The following PLCG2 variants were observed in gnomAD, a reference collection of about 807,000 sequenced individuals.
PLCG2 encodes the protein 1-phosphatidylinositol 4,5-bisphosphate phosphodiesterase gamma-2.
A neutral mutation model predicts 175.6 loss-of-function variants in PLCG2; 69 were observed. That is an observed-to-expected ratio of 0.39 (90% CI 0.32 to 0.48). The LOEUF is 0.48. Ranked by LOEUF, PLCG2 falls within the 20% of genes least tolerant of loss-of-function variation. PLCG2 has a pLI of 0.91. For synonymous variants in PLCG2, 827 were observed against 624.0 expected, an observed-to-expected ratio of 1.33 and a Z score of -4.85; for missense variants, 1,798 against 1,650.9, an observed-to-expected ratio of 1.09 and a Z score of -1.54.
intron 30 of PLCG2, among the ~76,000 whole-genome samples, chr16:81,944,790 A>G (rs1337803054): frequency 6.6e-6 from 1 of 152,094 alleles, no homozygotes; most frequent in Non-Finnish European, 1.5e-5. Flanking sequence ...ATGTCATTTT[A>G]TATCAGGGAC....
At position 81,962,360 on chromosome 16, in the gene PLCG2, C is replaced by T. The variant is rs1445571075; in HGVS notation, c.*4362C>T. On this transcript the variant is annotated 3_prime_UTR_variant, in exon 33 of 33. Transcript: ENST00000564138. ...GTTAATAATTAGATTTGGAATTATACAGAATTAGAAAATTGGCATTTAAAA... is the reference window on the plus strand; with the variant it reads ...GTTAATAATTAGATTTGGAATTATATAGAATTAGAAAATTGGCATTTAAAA... The T allele has an allele frequency of 1.9e-5, 4 of 207,764 alleles. No homozygotes were observed. Among genetic ancestry groups the T allele is most frequent in the Non-Finnish European group, 3.9e-5 (4 of 102,214 alleles). The allele number at this position is 207,764 out of a possible 1,614,324, so 12.9% of individuals were successfully genotyped here.
intron 5 of PLCG2, among the ~76,000 whole-genome samples, chr16:81,864,948 T>A (rs1907157143): frequency 6.6e-6 from 1 of 152,164 alleles, no homozygotes; most frequent in South Asian, 2.1e-4. Flanking sequence ...TTCCCTTGTT[T>A]CCTAACCCAC....
chr16:81,785,714 C>G, intron 1 of PLCG2: 1 of 311,386 alleles, frequency 3.2e-6, no homozygotes, highest in Non-Finnish European at 6.0e-6. Flanking sequence ...GCCCACGTAA[C>G]GGTTGGGTCC....
chr16:81,869,423 A>C, intron 6 of PLCG2, 125 bp downstream of exon 6: 2 of 705,648 alleles, frequency 2.8e-6, no homozygotes, highest in Non-Finnish European at 5.2e-6. Flanking sequence ...CCTCCAGAGT[A>C]CATCTTAGTT....
intron 1 of PLCG2, among the ~76,000 whole-genome samples, chr16:81,753,913 C>A (rs1378581049): frequency 1.3e-5 from 2 of 152,128 alleles, no homozygotes; most frequent in Non-Finnish European, 2.9e-5. Flanking sequence ...CATCCCTGGG[C>A]CAACAGCCAG....
intron 2 of PLCG2, among the ~76,000 whole-genome samples, chr16:81,791,018 T>G (rs1312868545): frequency 6.6e-6 from 1 of 152,182 alleles, no homozygotes; most frequent in East Asian, 1.9e-4. Context: ...TGTCACTGGG[T>G]AAAATAGGGT....
At chr16:81,759,982 C>T (rs985519633) in intron 2 of PLCG2, among the ~76,000 whole-genome samples, 4 of 152,112 alleles carry the variant, frequency 2.6e-5, no homozygotes, top group Non-Finnish European at 4.4e-5. Flanking sequence ...AAAAATTAGC[C>T]GGGAGTGGTG....
At chr16:81,940,862 G>A (rs1910912481) in intron 30 of PLCG2, among the ~76,000 whole-genome samples, 1 of 152,102 alleles carries the variant, frequency 6.6e-6, no homozygotes, top group Non-Finnish European at 1.5e-5. Flanking sequence ...TGGATTTTAG[G>A]TATAATATTT....
chr16:81,902,499 T>A (rs1358821638), intron 14 of PLCG2, among the ~76,000 whole-genome samples: 2 of 152,162 alleles, frequency 1.3e-5, no homozygotes, highest in East Asian at 3.9e-4. Context: ...TATTTATTTA[T>A]TTATAAATAA....
At chr16:81,924,963 C>T (rs890515051) in intron 22 of PLCG2, among the ~76,000 whole-genome samples, 13 of 152,240 alleles carry the variant, frequency 8.5e-5, no homozygotes, top group Non-Finnish European at 1.9e-4. Context: ...ACTGGCGTTC[C>T]CTCACTGGGC....
intron 19 of PLCG2, among the ~76,000 whole-genome samples, chr16:81,914,064 AC>A (rs1909740325): frequency 6.6e-6 from 1 of 151,990 alleles, no homozygotes; most frequent in South Asian, 2.1e-4. Flanking sequence ...TCTTAGTGGT[AC>A]CTCCTCAGCC....
rs1409220379 is a variant in PLCG2 at position 81,959,838 on chromosome 16, A to C, written c.*1840A>C. 2 of 186,556 alleles carry C rather than the reference A, an allele frequency of 1.1e-5. No individual in the cohort carries two copies. Among genetic ancestry groups the C allele is most frequent in the Non-Finnish European group, 2.3e-5 (2 of 88,392 alleles). 11.6% of individuals were successfully genotyped at this position (186,556 alleles called of 1,614,324 possible). A position where few individuals can be genotyped will look rare whatever the true frequency, so the allele number is the denominator to read the frequency against. On this transcript the variant is annotated 3_prime_UTR_variant, in exon 33 of 33. Coordinates refer to ENST00000564138, the MANE Select transcript of PLCG2 (RefSeq NM_002661.5). The stretch of plus-strand genomic sequence containing the variant: ...CCCTCTCAGCTCTGTTAGGACTTCC[A>C]CACAGCAGAGCTCAGGTGTTGCTGT...
At chr16:81,758,478 G>C (rs1165192453) in intron 2 of PLCG2, among the ~76,000 whole-genome samples, 2 of 152,156 alleles carry the variant, frequency 1.3e-5, no homozygotes, top group African/African-American at 4.8e-5. Flanking sequence ...GTAAGTGTTT[G>C]TGTGGATGAG....
At chr16:81,848,085 A>T (rs1906216310) in intron 2 of PLCG2, among the ~76,000 whole-genome samples, 1 of 152,242 alleles carries the variant, frequency 6.6e-6, no homozygotes, top group African/African-American at 2.4e-5. Flanking sequence ...TGCAAGACTT[A>T]CTCTAACGTT....
chr16:81,849,604 C>G (rs1906296708), intron 2 of PLCG2, among the ~76,000 whole-genome samples: 1 of 151,854 alleles, frequency 6.6e-6, no homozygotes. Flanking sequence ...ACTAGAAATA[C>G]ACATACACAC....
chr16:81,906,963 G>T (rs1043168116), intron 15 of PLCG2, among the ~76,000 whole-genome samples: 1 of 150,902 alleles, frequency 6.6e-6, no homozygotes, highest in African/African-American at 2.4e-5. Flanking sequence ...ACTTGAACCC[G>T]GGAGGCGGAG....
chr16:81,906,213 T>G (rs1909363622), intron 15 of PLCG2: 1 of 152,224 alleles, frequency 6.6e-6, no homozygotes, highest in South Asian at 2.1e-4. Context: ...TTTTCCTGTT[T>G]CAGGATCCAG....
intron 24 of PLCG2, 47 bp downstream of exon 24, chr16:81,928,671 A>C: frequency 1.5e-6 from 2 of 1,314,776 alleles, no homozygotes; most frequent in Non-Finnish European, 2.2e-6. Context: ...CCTATCCCCC[A>C]TGGGCTGACC....
chr16:81,924,874 C>G (rs758705758), intron 22 of PLCG2, among the ~76,000 whole-genome samples: 125 of 152,248 alleles, frequency 8.2e-4, no homozygotes, highest in Non-Finnish European at 1.4e-3. Flanking sequence ...TGTCCGTCTG[C>G]TTCTCCCAGT....
Sources: gnomAD v4.1 joint callset for allele counts (sites outside exome capture counted in the v4.1 genomes callset) on GRCh38, gnomAD v4.1.1 for gene constraint, MANE v1.5 for transcripts, NCBI Gene and HGNC (gene_info 2026-07-23, HGNC 2026-07-21) for gene names.